The following FBN2 variants were observed in gnomAD, a reference collection of about 807,000 sequenced individuals.
FBN2 encodes fibrillin-2.
FBN2 carries 105 observed loss-of-function variants against 355.6 expected under a neutral mutation model. The ratio of observed to expected loss-of-function variants is 0.30; its 90% CI spans 0.25 to 0.35. FBN2 has a LOEUF of 0.35. Ranked by LOEUF, FBN2 falls within the 10% of genes least tolerant of loss-of-function variation. The pLI is 1.00. For missense variants in FBN2, 3,280 were observed against 3,758.7 expected, an observed-to-expected ratio of 0.87 and a Z score of 3.33; for synonymous variants, 1,350 against 1,301.2, an observed-to-expected ratio of 1.04 and a Z score of -0.81.
intron 20 of FBN2, among the ~76,000 whole-genome samples, chr5:128,352,892 G>T (rs935127620): frequency 1.3e-5 from 2 of 152,102 alleles, no homozygotes; most frequent in African/African-American, 4.8e-5. Flanking sequence ...TTTACTTCTG[G>T]CCAGACACAG....
intron 29 of FBN2, 59 bp from the exon 30 acceptor site, chr5:128,335,354 G>A: frequency 1.2e-6 from 2 of 1,612,802 alleles, no homozygotes; most frequent in African/African-American, 1.3e-5. Context: ...AATCTCAAAT[G>A]TTTTTGTTTT....
chr5:128,532,294 C>CA (rs1356300642), intron 2 of FBN2, among the ~76,000 whole-genome samples: 1 of 152,158 alleles, frequency 6.6e-6, no homozygotes, highest in Non-Finnish European at 1.5e-5. Flanking sequence ...TGGGGAGAGT[C>CA]AAAGCCTCCT....
chr5:128,427,036 C>T (rs904098173), intron 7 of FBN2, among the ~76,000 whole-genome samples: 10 of 152,118 alleles, frequency 6.6e-5, no homozygotes, highest in African/African-American at 2.4e-4. Flanking sequence ...TTTATATTGC[C>T]AACCTTGACC....
At chr5:128,467,163 A>C (rs1232361784) in intron 5 of FBN2, among the ~76,000 whole-genome samples, 1 of 152,056 alleles carries the variant, frequency 6.6e-6, no homozygotes, top group African/African-American at 2.4e-5. Flanking sequence ...CCTTAAACTT[A>C]TGTCCTCTTA....
intron 2 of FBN2, among the ~76,000 whole-genome samples, chr5:128,533,075 A>G (rs1756748571): frequency 6.6e-6 from 1 of 152,158 alleles, no homozygotes; most frequent in Admixed American, 6.5e-5. Flanking sequence ...AGTGTCAAAT[A>G]CTGTGATGTT....
intron 34 of FBN2, among the ~76,000 whole-genome samples, chr5:128,320,757 A>T (rs1479210422): frequency 6.6e-6 from 1 of 152,244 alleles, no homozygotes; most frequent in East Asian, 1.9e-4. Flanking sequence ...AAGCTAAAAC[A>T]ATTTGTATGC....
At chr5:128,431,263 T>C (rs930126826) in intron 7 of FBN2, among the ~76,000 whole-genome samples, 1 of 152,256 alleles carries the variant, frequency 6.6e-6, no homozygotes, top group Non-Finnish European at 1.5e-5. Flanking sequence ...CCTGAGTTCC[T>C]GTTTGACAAC....
In FBN2 at chr5:128,261,720, A is replaced by T. The variant is rs1371803667; in HGVS notation, c.8364+16T>A. 6 of 1,613,730 alleles carry T rather than the reference A, an allele frequency of 3.7e-6. No individual in the cohort carries two copies. The African/African-American group carries it at 6.7e-5, about 18-fold the overall frequency. ...GGGATAAAATTTTGTGGCAACACAG[A>T]GTGGGATATACTCACAGCAGTGGGA... is the stretch of plus-strand genomic sequence containing the variant. On this transcript the variant is annotated intron_variant, in intron 64 of 64. Coordinates refer to ENST00000262464, the MANE Select transcript of FBN2 (RefSeq NM_001999.4).
At chr5:128,304,250 T>C (rs1221331251) in intron 45 of FBN2, among the ~76,000 whole-genome samples, 1 of 152,224 alleles carries the variant, frequency 6.6e-6, no homozygotes, top group Non-Finnish European at 1.5e-5. Context: ...AGAAAACTCT[T>C]CAGCAGAGGC....
chr5:128,339,893 T>C (rs1439214968), intron 25 of FBN2, among the ~76,000 whole-genome samples: 1 of 152,186 alleles, frequency 6.6e-6, no homozygotes, highest in Non-Finnish European at 1.5e-5. Context: ...GTGCCCCAAT[T>C]TGTGTTTTTG....
At position 128,519,948 on chromosome 5, in the gene FBN2, C is replaced by T. The variant is rs573227080; in HGVS notation, c.533-580G>A. 9.2e-5 allele frequency among the ~76,000 whole-genome samples: 14 copies of T among 151,920 alleles called. No individual in the cohort carries two copies. The South Asian group carries it at 2.5e-3, about 27-fold the overall frequency. The stretch of plus-strand genomic sequence containing the variant: ...AGAAAAGGGGGGAAAATACCATCAA[C>T]GTTAGCTATAAAATGCCAAAAGAAG... On this transcript the variant is annotated intron_variant, in intron 4 of 64. Coordinates refer to ENST00000262464, the MANE Select transcript of FBN2 (RefSeq NM_001999.4).
chr5:128,271,892 A>G (rs1765275965), intron 62 of FBN2, 107 bp downstream of exon 62: 2 of 1,354,364 alleles, frequency 1.5e-6, no homozygotes, highest in African/African-American at 2.9e-5. Flanking sequence ...TTTAAAGTCT[A>G]AAATTCAAAG....
chr5:128,397,027 CT>C (rs1415940564), intron 8 of FBN2, among the ~76,000 whole-genome samples: 2 of 152,080 alleles, frequency 1.3e-5, no homozygotes, highest in African/African-American at 4.8e-5. Flanking sequence ...AATGAATTAC[CT>C]TTAAGATACT....
At chr5:128,493,060 G>C (rs2066798762) in intron 5 of FBN2, among the ~76,000 whole-genome samples, 1 of 152,068 alleles carries the variant, frequency 6.6e-6, no homozygotes, top group Non-Finnish European at 1.5e-5. Context: ...GAGATCTAGG[G>C]ATACAAAGGC....
At chr5:128,500,222 C>T (rs1158423427) in intron 5 of FBN2, among the ~76,000 whole-genome samples, 1 of 138,386 alleles carries the variant, frequency 7.2e-6, no homozygotes, top group Non-Finnish European at 1.5e-5. Flanking sequence ...TTTCCCACAG[C>T]TAATATCAAC....
intron 11 of FBN2, among the ~76,000 whole-genome samples, chr5:128,384,164 G>C (rs1256571117): frequency 6.6e-6 from 1 of 152,068 alleles, no homozygotes; most frequent in Non-Finnish European, 1.5e-5. Flanking sequence ...TAATTATGCT[G>C]AGTAAAAGAA....
intron 4 of FBN2, among the ~76,000 whole-genome samples, chr5:128,525,052 A>C (rs573963177): frequency 3.3e-5 from 5 of 152,138 alleles, no homozygotes; most frequent in Admixed American, 6.5e-5. Flanking sequence ...CACACCCACT[A>C]GAGCGTGTTC....
chr5:128,504,662 T>C (rs951491280), intron 5 of FBN2, among the ~76,000 whole-genome samples: 3 of 152,190 alleles, frequency 2.0e-5, no homozygotes, highest in African/African-American at 7.2e-5. Flanking sequence ...TGCACAACCA[T>C]TGTATCTAGG....
At chr5:128,317,373 G>A (rs1299484506) in intron 36 of FBN2, among the ~76,000 whole-genome samples, 1 of 152,130 alleles carries the variant, frequency 6.6e-6, no homozygotes, top group Non-Finnish European at 1.5e-5. Flanking sequence ...ACACAGACTT[G>A]GAGTTTGTGT....
Sources: gnomAD v4.1 joint callset for allele counts (sites outside exome capture counted in the v4.1 genomes callset) on GRCh38, gnomAD v4.1.1 for gene constraint, MANE v1.5 for transcripts, NCBI Gene and HGNC (gene_info 2026-07-23, HGNC 2026-07-21) for gene names.